C10orf90: variants seen among roughly 807,000 people sequenced by gnomAD.
C10orf90 encodes the protein (E2-independent) E3 ubiquitin-conjugating enzyme FATS.
C10orf90 carries 56 observed loss-of-function variants against 62.5 expected under a neutral mutation model. That is an observed-to-expected ratio of 0.90 (90% confidence interval 0.72 to 1.12). C10orf90 has a LOEUF of 1.12. Among genes scored for constraint, C10orf90 ranks in the 50% most tolerant of loss-of-function variants. The pLI, the probability that C10orf90 is intolerant of heterozygous loss-of-function variation, is 0.00. For synonymous variants in C10orf90, 386 were observed against 340.4 expected (o/e 1.13, Z -1.47); for missense variants, 970 against 880.4 (o/e 1.10, Z -1.29).
At chr10:126,583,941 C>T (rs1475163998) in intron 2 of C10orf90, among the ~76,000 whole-genome samples, 1 of 151,832 alleles carries the variant, frequency 6.6e-6, no homozygotes, top group African/African-American at 2.4e-5. Flanking sequence ...TGTAGAGAGA[C>T]CTCATCTCTA....
intron 2 of C10orf90, among the ~76,000 whole-genome samples, chr10:126,567,301 G>C (rs1844413498): frequency 6.6e-6 from 1 of 152,080 alleles, no homozygotes; most frequent in Admixed American, 6.5e-5. Context: ...CACTTGGCTG[G>C]AGCAGGAGGA....
chr10:126,549,854 A>C (rs1429007353), intron 2 of C10orf90, among the ~76,000 whole-genome samples: 1 of 152,182 alleles, frequency 6.6e-6, no homozygotes, highest in Non-Finnish European at 1.5e-5. Flanking sequence ...TAGACTAGTT[A>C]TACATGCAAC....
intron 7 of C10orf90, among the ~76,000 whole-genome samples, chr10:126,443,267 A>C (rs972562916): frequency 8.5e-5 from 13 of 152,168 alleles, no homozygotes; most frequent in Admixed American, 2.0e-4. Context: ...ATAGACCATT[A>C]GCAAGACTAA....
intron 2 of C10orf90, among the ~76,000 whole-genome samples, chr10:126,546,297 C>A (rs1396409879): frequency 6.6e-6 from 1 of 151,954 alleles, no homozygotes; most frequent in Non-Finnish European, 1.5e-5. Flanking sequence ...AAGAAGCACC[C>A]TAACCTAACT....
At chr10:126,581,218 A>C (rs1207813683) in intron 2 of C10orf90, among the ~76,000 whole-genome samples, 1 of 152,226 alleles carries the variant, frequency 6.6e-6, no homozygotes, top group Non-Finnish European at 1.5e-5. Context: ...AGAGATATTC[A>C]TGCAGGGTAT....
intron 2 of C10orf90, among the ~76,000 whole-genome samples, chr10:126,580,869 T>A (rs755076160): frequency 6.6e-6 from 1 of 152,118 alleles, no homozygotes; most frequent in Non-Finnish European, 1.5e-5. Context: ...GTGTGTTTTC[T>A]GGACACATTT....
At chr10:126,572,629 C>A (rs1292035957) in intron 2 of C10orf90, among the ~76,000 whole-genome samples, 1 of 152,084 alleles carries the variant, frequency 6.6e-6, no homozygotes. Flanking sequence ...TGGTTTTGGT[C>A]AGCTCCTTTA....
chr10:126,525,499 C>T (rs1368765856), intron 2 of C10orf90, among the ~76,000 whole-genome samples: 2 of 152,126 alleles, frequency 1.3e-5, no homozygotes, highest in African/African-American at 4.8e-5. Context: ...AGCCCAGAGC[C>T]GGAGCCTGCA....
At chr10:126,531,036 T>G (rs963818832) in intron 2 of C10orf90, among the ~76,000 whole-genome samples, 5 of 151,594 alleles carry the variant, frequency 3.3e-5, no homozygotes, top group Non-Finnish European at 7.4e-5. Flanking sequence ...TAGCCGGGTG[T>G]GGTGGCGGGT....
chr10:126,651,388 T>A (rs893724566), intron 1 of C10orf90, among the ~76,000 whole-genome samples: 1 of 152,146 alleles, frequency 6.6e-6, no homozygotes, highest in African/African-American at 2.4e-5. Flanking sequence ...AGTGTAAAAA[T>A]TCATACATTT....
intron 2 of C10orf90, among the ~76,000 whole-genome samples, chr10:126,583,010 G>C (rs1844784703): frequency 6.6e-6 from 1 of 152,162 alleles, no homozygotes; most frequent in Non-Finnish European, 1.5e-5. Context: ...AGTTGTTGGG[G>C]GGTGGCTGTG....
At chr10:126,650,470 G>A (rs1846269309) in intron 1 of C10orf90, among the ~76,000 whole-genome samples, 1 of 152,128 alleles carries the variant, frequency 6.6e-6, no homozygotes, top group South Asian at 2.1e-4. Context: ...ACAGAGGCGT[G>A]ATCATTATTA....
At chr10:126,604,917 A>G (rs1845274963) in intron 2 of C10orf90, among the ~76,000 whole-genome samples, 1 of 152,350 alleles carries the variant, frequency 6.6e-6, no homozygotes, top group Non-Finnish European at 1.5e-5. Flanking sequence ...TAGTCCCTGC[A>G]TAAAATGTAG....
At position 126,425,073 on chromosome 10, in the gene C10orf90, A is replaced by G. The variant is rs945764692; in HGVS notation, c.*791T>C. On this transcript the variant is annotated 3_prime_UTR_variant, in exon 10 of 10. Transcript: ENST00000488181. ...CTTGTTCTTAGCTTCCCAAACAGAC[A>G]TATTTATAAATAATGTGTATTATAA... The G allele has an allele frequency of 1.3e-5, 2 of 152,274 alleles. No homozygotes were observed. Among genetic ancestry groups the G allele is most frequent in the South Asian group, 4.1e-4 (2 of 4,832 alleles). 9.4% of individuals were successfully genotyped at this position (152,274 alleles called of 1,614,324 possible).
intron 2 of C10orf90, chr10:126,524,925 T>A (rs1863889582): frequency 8.9e-6 from 7 of 785,998 alleles, no homozygotes; most frequent in Non-Finnish European, 1.1e-5. Flanking sequence ...TGAACAAGCA[T>A]CATTATTACA....
At chr10:126,428,554 G>A (rs1857391077) in intron 8 of C10orf90, among the ~76,000 whole-genome samples, 1 of 152,056 alleles carries the variant, frequency 6.6e-6, no homozygotes, top group Admixed American at 6.6e-5. Context: ...TACTTGAGGT[G>A]CAACATCACC....
intron 4 of C10orf90, among the ~76,000 whole-genome samples, chr10:126,486,399 T>C (rs1043539785): frequency 6.6e-6 from 1 of 152,190 alleles, no homozygotes; most frequent in Non-Finnish European, 1.5e-5. Context: ...CTCAGGATCA[T>C]AGTAACAATA....
chr10:126,577,823 A>G (rs570352570), intron 2 of C10orf90, among the ~76,000 whole-genome samples: 2 of 152,266 alleles, frequency 1.3e-5, no homozygotes, highest in Admixed American at 1.3e-4. Flanking sequence ...AAATCAATAG[A>G]GGGTCCAGAA....
chr10:126,436,937 T>C (rs149267375), intron 7 of C10orf90, among the ~76,000 whole-genome samples: 1 of 152,324 alleles, frequency 6.6e-6, no homozygotes, highest in East Asian at 1.9e-4. Context: ...ATGCTGGTAT[T>C]ACAGGTATGA....
Sources: allele counts gnomAD v4.1 joint callset (sites outside exome capture counted in the v4.1 genomes callset), GRCh38; gene constraint gnomAD v4.1.1; transcripts MANE v1.5; gene names NCBI Gene and HGNC (gene_info 2026-07-23, HGNC 2026-07-21).